The following CTNNBL1 variants were observed in gnomAD, a reference collection of about 807,000 sequenced individuals.
The protein encoded by CTNNBL1 is beta-catenin-like protein 1.
A neutral mutation model predicts 72.7 loss-of-function variants in CTNNBL1; 31 were observed. That is an observed-to-expected ratio of 0.43 (90% CI 0.32 to 0.58). The LOEUF is 0.58. CTNNBL1 is among the 20% of genes least tolerant of loss of function. The pLI, the probability that CTNNBL1 is intolerant of heterozygous loss-of-function variation, is 0.08. For missense variants in CTNNBL1, 534 were observed against 725.1 expected, an observed-to-expected ratio of 0.74 and a Z score of 3.03; for synonymous variants, 240 against 267.3, an observed-to-expected ratio of 0.90 and a Z score of 1.00.
chr20:37,830,639 TACCA>T (rs1410582687), intron 11 of CTNNBL1, among the ~76,000 whole-genome samples: 1 of 152,140 alleles, frequency 6.6e-6, no homozygotes, highest in Non-Finnish European at 1.5e-5. Context: ...CTCCTCAACG[TACCA>T]TGGGGTTATG....
chr20:37,701,127 A>C (rs776645426), intron 1 of CTNNBL1, among the ~76,000 whole-genome samples: 40 of 152,294 alleles, frequency 2.6e-4, no homozygotes, highest in Non-Finnish European at 3.2e-4. Context: ...TTGCATATAT[A>C]CTACTTTATG....
At chr20:37,706,259 C>T (rs967982282) in intron 1 of CTNNBL1, among the ~76,000 whole-genome samples, 1 of 152,168 alleles carries the variant, frequency 6.6e-6, no homozygotes, top group Non-Finnish European at 1.5e-5. Flanking sequence ...GAAGTCTGCT[C>T]CATCTGTTGG....
At chr20:37,746,639 G>A (rs2073266867) in intron 4 of CTNNBL1, 32 bp downstream of exon 4, 1 of 1,613,730 alleles carries the variant, frequency 6.2e-7, no homozygotes. Flanking sequence ...CAGTAGGAGA[G>A]CTGACATGGT....
intron 10 of CTNNBL1, among the ~76,000 whole-genome samples, chr20:37,788,527 A>C (rs1331958402): frequency 6.6e-6 from 1 of 152,228 alleles, no homozygotes; most frequent in Non-Finnish European, 1.5e-5. Flanking sequence ...TGGAAAGCAC[A>C]AAACGGGGCC....
chr20:37,794,464 G>A (rs1279833577), intron 10 of CTNNBL1, among the ~76,000 whole-genome samples: 1 of 151,936 alleles, frequency 6.6e-6, no homozygotes, highest in East Asian at 1.9e-4. Flanking sequence ...TTACAGGCAT[G>A]CACCACCACC....
intron 10 of CTNNBL1, among the ~76,000 whole-genome samples, chr20:37,786,310 T>A (rs2073672825): frequency 6.6e-6 from 1 of 152,166 alleles, no homozygotes; most frequent in South Asian, 2.1e-4. Flanking sequence ...AGTCAACAGG[T>A]GGCAAGTCCA....
At chr20:37,831,370 T>C (rs1428235587) in intron 11 of CTNNBL1, among the ~76,000 whole-genome samples, 1 of 5,350 alleles carries the variant, frequency 1.9e-4, no homozygotes, top group Non-Finnish European at 3.6e-4. Context: ...TTCTTTTCTT[T>C]TTTTTTTTTT....
intron 13 of CTNNBL1, among the ~76,000 whole-genome samples, chr20:37,857,732 C>T (rs983879182): frequency 3.3e-5 from 5 of 151,920 alleles, no homozygotes; most frequent in African/African-American, 7.3e-5. Flanking sequence ...TGACAGGAGC[C>T]CAAGTTGTCA....
chr20:37,836,255 C>G (rs531328633), intron 11 of CTNNBL1, among the ~76,000 whole-genome samples: 11 of 152,284 alleles, frequency 7.2e-5, no homozygotes, highest in African/African-American at 2.6e-4. Context: ...TGATCTTGAT[C>G]TCTGAAAGGA....
chr20:37,773,103 TGTTACCCA>T (rs1229380823), intron 7 of CTNNBL1, among the ~76,000 whole-genome samples: 1 of 152,224 alleles, frequency 6.6e-6, no homozygotes, highest in African/African-American at 2.4e-5. Flanking sequence ...GATTCCCTCT[TGTTACCCA>T]GTTAAATCAA....
intron 12 of CTNNBL1, among the ~76,000 whole-genome samples, chr20:37,840,635 C>CA (rs1168723776): frequency 6.6e-6 from 1 of 152,166 alleles, no homozygotes; most frequent in Admixed American, 6.5e-5. Context: ...CTTGAAGGGT[C>CA]AGTGGGAGGT....
intron 10 of CTNNBL1, among the ~76,000 whole-genome samples, chr20:37,786,163 A>G (rs1311707554): frequency 6.6e-6 from 1 of 152,132 alleles, no homozygotes; most frequent in Non-Finnish European, 1.5e-5. Context: ...GGGTGAGACA[A>G]GCAAGCACCA....
At chr20:37,795,496 A>G (rs1268127232) in intron 10 of CTNNBL1, among the ~76,000 whole-genome samples, 6 of 151,998 alleles carry the variant, frequency 3.9e-5, no homozygotes, top group Non-Finnish European at 8.8e-5. Flanking sequence ...GCTATTTGAA[A>G]TTTTCCAACC....
At chr20:37,711,425 A>G (rs908070296) in intron 1 of CTNNBL1, among the ~76,000 whole-genome samples, 2 of 151,624 alleles carry the variant, frequency 1.3e-5, no homozygotes, top group Admixed American at 6.6e-5. Flanking sequence ...CATTCCATAC[A>G]TATTTATTAA....
chr20:37,713,428 T>G (rs2072956519), intron 1 of CTNNBL1, among the ~76,000 whole-genome samples: 1 of 152,232 alleles, frequency 6.6e-6, no homozygotes, highest in Non-Finnish European at 1.5e-5. Context: ...TAGTTGTGAT[T>G]GTCAGCAGGC....
At position 37,803,073 on chromosome 20, in the gene CTNNBL1, C is replaced by G. The variant is rs761155107; in HGVS notation, c.1213+25C>G. Reference sequence around the variant, plus strand: ...GGTAGGGTTCACTGGAGGAGTCAGCCTAATTTAGGTGCATTAGGAGAAATA... The same window carrying G: ...GGTAGGGTTCACTGGAGGAGTCAGCGTAATTTAGGTGCATTAGGAGAAATA... On this transcript the variant is annotated intron_variant, in intron 11 of 15. Transcript: ENST00000361383. 1.9e-6 allele frequency: 3 copies of G among 1,601,554 alleles called. No individual in the cohort carries two copies. The South Asian group carries it at 3.3e-5, about 18-fold the overall frequency.
chr20:37,859,677 A>C (rs984164760), intron 13 of CTNNBL1, among the ~76,000 whole-genome samples: 1 of 151,946 alleles, frequency 6.6e-6, no homozygotes, highest in African/African-American at 2.4e-5. Context: ...ATAGGAAAAA[A>C]TAGGCTTTAA....
intron 13 of CTNNBL1, among the ~76,000 whole-genome samples, chr20:37,846,813 G>A (rs539496510): frequency 6.6e-6 from 1 of 152,182 alleles, no homozygotes; most frequent in Admixed American, 6.5e-5. Flanking sequence ...TCTGCTATCA[G>A]GTCTCAGTAA....
chr20:37,847,110 G>A (rs9679780), intron 13 of CTNNBL1, among the ~76,000 whole-genome samples: 10,084 of 152,088 alleles, frequency 0.066, 415 homozygotes, highest in African/African-American at 0.085. Flanking sequence ...TTTTAACCCT[G>A]ATTTTTGTTT....
Sources: allele counts gnomAD v4.1 joint callset (sites outside exome capture counted in the v4.1 genomes callset), GRCh38; gene constraint gnomAD v4.1.1; transcripts MANE v1.5; gene names NCBI Gene and HGNC (gene_info 2026-07-23, HGNC 2026-07-21).